The following PDZRN4 variants were observed in gnomAD, a reference collection of about 807,000 sequenced individuals.
PDZRN4 encodes PDZ domain containing ring finger 4.
A neutral mutation model predicts 99.0 loss-of-function variants in PDZRN4; 70 were observed. The observed-to-expected ratio is 0.71, with a 90% CI of 0.58 to 0.86. The LOEUF is 0.86. Ranked by LOEUF, PDZRN4 falls within the 40% of genes least tolerant of loss-of-function variation. The probability of loss-of-function intolerance (pLI) is 0.00; values close to 1 mark genes in which losing one functional copy is unlikely to be tolerated. For missense variants in PDZRN4, 1,474 were observed against 1,331.2 expected (o/e 1.11, Z -1.67); for synonymous variants, 551 against 501.6 (o/e 1.10, Z -1.32).
intron 5 of PDZRN4, among the ~76,000 whole-genome samples, chr12:41,545,096 A>T (rs1233471680): frequency 2.0e-5 from 3 of 152,216 alleles, no homozygotes; most frequent in Non-Finnish European, 4.4e-5. Context: ...TGCTGAAGTC[A>T]TCTTTCTAAA....
At chr12:41,280,061 G>A (rs1418082076) in intron 3 of PDZRN4, among the ~76,000 whole-genome samples, 1 of 152,158 alleles carries the variant, frequency 6.6e-6, no homozygotes, top group Non-Finnish European at 1.5e-5. Context: ...AACCCATGGA[G>A]GGCGAGCAGA....
chr12:41,555,672 G>A (rs1277890609), intron 6 of PDZRN4, 26 bp from the exon 7 acceptor site: 2 of 1,587,948 alleles, frequency 1.3e-6, no homozygotes, highest in African/African-American at 2.7e-5. Context: ...ATACCCAGTT[G>A]AAGATGTATG....
intron 5 of PDZRN4, among the ~76,000 whole-genome samples, chr12:41,551,282 C>A (rs928493598): frequency 2.6e-5 from 4 of 152,174 alleles, no homozygotes; most frequent in Admixed American, 2.6e-4. Context: ...CATGAGGGCT[C>A]AGCAGTTCTT....
At chr12:41,464,820 CTTT>C (rs5797739) in intron 3 of PDZRN4, among the ~76,000 whole-genome samples, 28 of 104,808 alleles carry the variant, frequency 2.7e-4, no homozygotes, top group Non-Finnish European at 3.6e-4. Context: ...GCCTGTTGTA[CTTT>C]TTTTTTTTTT....
chr12:41,199,603 A>G (rs982421796), intron 3 of PDZRN4, among the ~76,000 whole-genome samples: 1 of 152,194 alleles, frequency 6.6e-6, no homozygotes, highest in Non-Finnish European at 1.5e-5. Context: ...CACGGAATCA[A>G]CCTATGTGTC....
At chr12:41,213,255 T>A (rs1950899320) in intron 3 of PDZRN4, among the ~76,000 whole-genome samples, 1 of 151,976 alleles carries the variant, frequency 6.6e-6, no homozygotes, top group African/African-American at 2.4e-5. Flanking sequence ...ATTTGAGGAA[T>A]CCAGATGGAA....
intron 3 of PDZRN4, among the ~76,000 whole-genome samples, chr12:41,335,279 T>C (rs921716574): frequency 1.1e-4 from 16 of 151,838 alleles, no homozygotes; most frequent in Non-Finnish European, 2.1e-4. Context: ...ATTTTTATTA[T>C]TATACTTTAA....
intron 3 of PDZRN4, among the ~76,000 whole-genome samples, chr12:41,270,476 G>A (rs979196969): frequency 6.6e-6 from 1 of 151,936 alleles, no homozygotes; most frequent in African/African-American, 2.4e-5. Context: ...GTCATAAAAC[G>A]CATAGATGGC....
chr12:41,499,571 A>G (rs1258826341), intron 3 of PDZRN4, among the ~76,000 whole-genome samples: 1 of 152,092 alleles, frequency 6.6e-6, no homozygotes, highest in Non-Finnish European at 1.5e-5. Flanking sequence ...AAGAGAAAAT[A>G]CAGAAGGAGG....
chr12:41,346,977 G>C (rs1216934423), intron 3 of PDZRN4, among the ~76,000 whole-genome samples: 1 of 152,070 alleles, frequency 6.6e-6, no homozygotes, highest in East Asian at 1.9e-4. Flanking sequence ...GCATATATTT[G>C]GTACTTCATT....
At chr12:41,428,101 C>A (rs1323350940) in intron 3 of PDZRN4, among the ~76,000 whole-genome samples, 1 of 151,990 alleles carries the variant, frequency 6.6e-6, no homozygotes, top group Non-Finnish European at 1.5e-5. Flanking sequence ...AAAACAACAA[C>A]AAAAACAAAA....
intron 5 of PDZRN4, among the ~76,000 whole-genome samples, chr12:41,514,169 G>A (rs968374418): frequency 1.3e-5 from 2 of 152,048 alleles, no homozygotes; most frequent in African/African-American, 2.4e-5. Context: ...CTATGTACAT[G>A]TTAACCGAAA....
intron 3 of PDZRN4, among the ~76,000 whole-genome samples, chr12:41,276,722 A>G (rs1226340972): frequency 6.6e-6 from 1 of 152,178 alleles, no homozygotes; most frequent in Admixed American, 6.5e-5. Context: ...TGGGAATAGA[A>G]GGTAGTCATA....
intron 3 of PDZRN4, among the ~76,000 whole-genome samples, chr12:41,307,348 C>T (rs1156361925): frequency 6.6e-6 from 1 of 152,178 alleles, no homozygotes; most frequent in African/African-American, 2.4e-5. Flanking sequence ...TATCTGTACA[C>T]TACCTCTTCC....
intron 3 of PDZRN4, among the ~76,000 whole-genome samples, chr12:41,391,910 G>C (rs1031400351): frequency 5.3e-5 from 8 of 152,144 alleles, no homozygotes; most frequent in African/African-American, 1.9e-4. Flanking sequence ...AGTGGTGTTT[G>C]TTTCAAATCC....
intron 2 of PDZRN4, among the ~76,000 whole-genome samples, chr12:41,193,645 A>C (rs1486382836): frequency 6.6e-6 from 1 of 152,230 alleles, no homozygotes; most frequent in Non-Finnish European, 1.5e-5. Flanking sequence ...CACATCAAAA[A>C]GCTAAATTAC....
chr12:41,525,793 G>T (rs1938557688), intron 5 of PDZRN4, among the ~76,000 whole-genome samples: 1 of 152,064 alleles, frequency 6.6e-6, no homozygotes, highest in African/African-American at 2.4e-5. Flanking sequence ...GCACAAGGAA[G>T]AATGCTCTGA....
At chr12:41,310,278 G>A (rs1342877848) in intron 3 of PDZRN4, among the ~76,000 whole-genome samples, 1 of 132,448 alleles carries the variant, frequency 7.6e-6, no homozygotes, top group Non-Finnish European at 1.7e-5. Flanking sequence ...GTGTGTGTGT[G>A]TATGCATATA....
intron 3 of PDZRN4, among the ~76,000 whole-genome samples, chr12:41,405,326 G>T (rs1032645740): frequency 2.0e-5 from 3 of 152,122 alleles, no homozygotes; most frequent in Non-Finnish European, 4.4e-5. Flanking sequence ...CATACAAACA[G>T]CCAACAAACA....
Sources: allele counts gnomAD v4.1 joint callset (sites outside exome capture counted in the v4.1 genomes callset), GRCh38; gene constraint gnomAD v4.1.1; transcripts MANE v1.5; gene names NCBI Gene and HGNC (gene_info 2026-07-23, HGNC 2026-07-21).